TBC1D5: variants seen among roughly 807,000 people sequenced by gnomAD.
The protein encoded by TBC1D5 is TBC1 domain family, member 5.
Under a neutral mutation model 100.3 loss-of-function variants are expected in TBC1D5, and 75 were observed. That is an observed-to-expected ratio of 0.75 (90% CI 0.62 to 0.91). TBC1D5 has a LOEUF of 0.91. TBC1D5 is among the 40% of genes least tolerant of loss of function. The probability of loss-of-function intolerance (pLI) is 0.00; values close to 1 mark genes in which losing one functional copy is unlikely to be tolerated. For synonymous variants in TBC1D5, 323 were observed against 325.6 expected (o/e 0.99, Z 0.09); for missense variants, 910 against 942.4 (o/e 0.97, Z 0.45).
intron 2 of TBC1D5, among the ~76,000 whole-genome samples, chr3:17,592,298 C>T (rs1337924695): frequency 6.6e-6 from 1 of 152,182 alleles, no homozygotes; most frequent in East Asian, 1.9e-4. Flanking sequence ...ACATTATGCT[C>T]ACTGGATCCA....
chr3:17,645,286 TAC>T (rs532744244), intron 1 of TBC1D5, among the ~76,000 whole-genome samples: 72 of 152,108 alleles, frequency 4.7e-4, no homozygotes, highest in Non-Finnish European at 8.4e-4. Context: ...CAGGGGGAGA[TAC>T]AGAGGAGAGT....
At chr3:17,317,017 A>G (rs1382647492) in intron 13 of TBC1D5, among the ~76,000 whole-genome samples, 1 of 152,204 alleles carries the variant, frequency 6.6e-6, no homozygotes, top group African/African-American at 2.4e-5. Context: ...ATAAAATTTT[A>G]ACTCAATAAT....
intron 1 of TBC1D5, among the ~76,000 whole-genome samples, chr3:17,674,785 G>A (rs955340622): frequency 6.6e-6 from 1 of 152,076 alleles, no homozygotes; most frequent in African/African-American, 2.4e-5. Context: ...GGAAGTTGGG[G>A]AGATGAAGTG....
At chr3:17,413,137 A>C (rs2093981237) in intron 4 of TBC1D5, among the ~76,000 whole-genome samples, 1 of 152,160 alleles carries the variant, frequency 6.6e-6, no homozygotes. Flanking sequence ...AGTGGCAATT[A>C]CTCTATCTTG....
intron 2 of TBC1D5, among the ~76,000 whole-genome samples, chr3:17,563,728 A>C (rs969125768): frequency 6.6e-6 from 1 of 152,168 alleles, no homozygotes; most frequent in Non-Finnish European, 1.5e-5. Flanking sequence ...AATGGTCATC[A>C]CTGGGGAAAG....
At chr3:17,386,502 C>T (rs2093158271) in intron 8 of TBC1D5, among the ~76,000 whole-genome samples, 1 of 152,108 alleles carries the variant, frequency 6.6e-6, no homozygotes, top group Admixed American at 6.6e-5. Flanking sequence ...GGTTTCTTTG[C>T]ACATCGTGAA....
At chr3:17,658,308 C>T (rs555585571) in intron 1 of TBC1D5, among the ~76,000 whole-genome samples, 6 of 152,290 alleles carry the variant, frequency 3.9e-5, no homozygotes, top group African/African-American at 1.4e-4. Flanking sequence ...CTATTACTGT[C>T]CACATGCTAA....
At chr3:17,353,193 T>G (rs1413625363) in intron 13 of TBC1D5, among the ~76,000 whole-genome samples, 1 of 152,020 alleles carries the variant, frequency 6.6e-6, no homozygotes, top group African/African-American at 2.4e-5. Flanking sequence ...TTGAGATAAT[T>G]TGATTTAGAA....
chr3:17,291,918 C>T lies in TBC1D5; in HGVS notation c.1222G>A (p.Ala408Thr), dbSNP rs1027053515. 10 of 1,613,800 alleles carry T rather than the reference C, an allele frequency of 6.2e-6. 1 individual carries two copies. In the South Asian group the frequency reaches 7.7e-5, roughly 12 times the overall value. ...ACCTTTGGATCTCTAAGGAACAGAG[C>T]CTTAAGAATCAGTGAGTGTACATCC... is the stretch of plus-strand genomic sequence containing the variant. Residue 408 changes from alanine to threonine, a missense_variant, in exon 15 of 22, where the codon GCT (alanine) becomes ACT (threonine). By Grantham distance (58) the Ala-to-Thr change is moderately conservative. Transcript: ENST00000253692.
chr3:17,330,474 A>T (rs1212236173), intron 13 of TBC1D5, among the ~76,000 whole-genome samples: 3 of 151,562 alleles, frequency 2.0e-5, no homozygotes, highest in East Asian at 1.9e-4. Context: ...GCCTATTTCA[A>T]TTTTTCTCTG....
At chr3:17,457,122 CTT>C (rs1407095366) in intron 3 of TBC1D5, among the ~76,000 whole-genome samples, 1 of 151,718 alleles carries the variant, frequency 6.6e-6, no homozygotes, top group African/African-American at 2.4e-5. Flanking sequence ...CATTCTTTGT[CTT>C]TTGTTTTTAT....
Position 17,366,909 on chromosome 3 carries a change from AC to A in TBC1D5, c.995+5165del, listed in dbSNP as rs537734947. Among the ~76,000 whole-genome samples the A allele has an allele frequency of 9.2e-5, 14 of 152,300 alleles. No homozygotes were observed. In the South Asian group the frequency reaches 2.9e-3, roughly 32 times the overall value. On this transcript the variant is annotated intron_variant, in intron 13 of 21. Coordinates refer to ENST00000253692, the Ensembl canonical transcript of TBC1D5. The stretch of plus-strand genomic sequence containing the variant: ...AAATTACAATAAACTGCACGGTAAA[AC>A]AACTGCTAATCCAGATAATAGAAAA...
At chr3:17,403,315 T>G (rs1251609304) in intron 7 of TBC1D5, 67 bp from the exon 8 acceptor site, 4 of 1,103,326 alleles carry the variant, frequency 3.6e-6, no homozygotes, top group Non-Finnish European at 5.0e-6. Flanking sequence ...GATTTCAATT[T>G]AATAATGTAA....
chr3:17,646,448 G>A (rs893297477), intron 1 of TBC1D5, among the ~76,000 whole-genome samples: 3 of 152,012 alleles, frequency 2.0e-5, no homozygotes, highest in East Asian at 1.9e-4. Context: ...CATCAAGCCC[G>A]CTACTTATCT....
chr3:17,603,568 C>G (rs1214102033), intron 2 of TBC1D5, among the ~76,000 whole-genome samples: 1 of 152,130 alleles, frequency 6.6e-6, no homozygotes, highest in Non-Finnish European at 1.5e-5. Context: ...TCATGAATAG[C>G]CCACTGCTTG....
intron 17 of TBC1D5, among the ~76,000 whole-genome samples, chr3:17,226,168 A>G (rs966150626): frequency 6.7e-6 from 1 of 150,368 alleles, no homozygotes. Context: ...ACAGAATCTG[A>G]TCACATTTGT....
intron 13 of TBC1D5, among the ~76,000 whole-genome samples, chr3:17,364,269 G>A (rs537683220): frequency 6.6e-6 from 1 of 152,104 alleles, no homozygotes; most frequent in African/African-American, 2.4e-5. Flanking sequence ...TTACTGGTTT[G>A]TGATCTTTCC....
At chr3:17,544,529 T>C (rs896143504) in intron 2 of TBC1D5, among the ~76,000 whole-genome samples, 2 of 152,012 alleles carry the variant, frequency 1.3e-5, no homozygotes, top group East Asian at 3.9e-4. Context: ...CACATGCCTG[T>C]TATCCCAGCT....
At chr3:17,692,474 T>C (rs1173950159) in intron 1 of TBC1D5, among the ~76,000 whole-genome samples, 1 of 151,988 alleles carries the variant, frequency 6.6e-6, no homozygotes, top group Non-Finnish European at 1.5e-5. Context: ...CCATCTAAAA[T>C]GCAATTCAAA....
Sources: allele counts gnomAD v4.1 joint callset (sites outside exome capture counted in the v4.1 genomes callset), GRCh38; gene constraint gnomAD v4.1.1; transcripts MANE v1.5; gene names NCBI Gene and HGNC (gene_info 2026-07-23, HGNC 2026-07-21).